The following ASH1L variants were observed in gnomAD, a reference collection of about 807,000 sequenced individuals.
ASH1L encodes ASH1 like histone lysine methyltransferase.
ASH1L carries 23 observed loss-of-function variants against 269.0 expected under a neutral mutation model. The observed-to-expected ratio is 0.09, with a 90% CI of 0.06 to 0.12. The LOEUF (loss-of-function observed/expected upper bound fraction) is 0.12. ASH1L is among the 10% of genes least tolerant of loss of function. The probability of loss-of-function intolerance (pLI) is 1.00; values close to 1 mark genes in which losing one functional copy is unlikely to be tolerated. For synonymous variants in ASH1L, 1,187 were observed against 1,253.5 expected, an observed-to-expected ratio of 0.95 and a Z score of 1.12; for missense variants, 2,912 against 3,567.8, an observed-to-expected ratio of 0.82 and a Z score of 4.68.
rs560559987 is a variant in ASH1L, at chr1:155,427,382, A to G, written c.5828+10945T>C. Among the ~76,000 whole-genome samples, 8 of 151,534 alleles carry G rather than the reference A, an allele frequency of 5.3e-5. No homozygotes were observed. The South Asian group carries it at 1.7e-3, about 32-fold the overall frequency. On this transcript the variant is annotated intron_variant, in intron 5 of 27. Transcript: ENST00000392403. ...GAGTGCAGTGGCCAGATCCCGGCTC[A>G]CTGCAACCTCCGCCTCCCGGGTCCA... is the stretch of plus-strand genomic sequence containing the variant.
chr1:155,488,884 C>T (rs1158087994), intron 2 of ASH1L, among the ~76,000 whole-genome samples: 2 of 151,844 alleles, frequency 1.3e-5, no homozygotes, highest in Non-Finnish European at 2.9e-5. Flanking sequence ...CTTTAGTCCA[C>T]ATATAAAATA....
At chr1:155,500,420 G>T (rs1055830068) in intron 2 of ASH1L, among the ~76,000 whole-genome samples, 1 of 152,194 alleles carries the variant, frequency 6.6e-6, no homozygotes, top group African/African-American at 2.4e-5. Context: ...TAAGACTACA[G>T]AATCCATCAT....
Position 155,562,415 on chromosome 1 carries a change from T to TGGCGGCGGG in ASH1L, c.-371_-363dup. On this transcript the variant is annotated 5_prime_UTR_variant, in exon 1 of 28. Coordinates refer to ENST00000392403, the MANE Select transcript of ASH1L (RefSeq NM_018489.3). ...TCCCCTCCGCAAAGCGAACCCAAAATGGCGGCGGGAGCGGCGGCGGCGGCG... is the reference window on the plus strand; with the variant it reads ...TCCCCTCCGCAAAGCGAACCCAAAATGGCGGCGGGGGCGGCGGGAGCGGCGGCGGCGGCG... 1 of 1,487,530 alleles carries TGGCGGCGGG rather than the reference T, an allele frequency of 6.7e-7. No individual in the cohort carries two copies. Among genetic ancestry groups the TGGCGGCGGG allele is most frequent in the East Asian group, 2.5e-5 (1 of 40,578 alleles). The allele number at this position is 1,487,530 out of a possible 1,614,324, so 92.1% of individuals were successfully genotyped here. A position where few individuals can be genotyped will look rare whatever the true frequency, so the allele number is the denominator to read the frequency against.
In ASH1L at chr1:155,452,728, T is replaced by C. The variant is rs545276060; in HGVS notation, c.5086+7069A>G. ...CGTGACCATGTCTGGCTAATTTATA[T>C]GTGTTTTTAGTAGAAATGGGGTTTT... On this transcript the variant is annotated intron_variant, in intron 4 of 27. Coordinates refer to ENST00000392403, the MANE Select transcript of ASH1L (RefSeq NM_018489.3). 8.5e-5 allele frequency among the ~76,000 whole-genome samples: 13 copies of C among 152,184 alleles called. No homozygotes were observed. The South Asian group carries it at 2.7e-3, about 32-fold the overall frequency.
chr1:155,446,030 C>T (rs1662989708), intron 4 of ASH1L, among the ~76,000 whole-genome samples: 1 of 146,758 alleles, frequency 6.8e-6, no homozygotes, highest in Non-Finnish European at 1.5e-5. Flanking sequence ...TGGGCCTACA[C>T]TGTACTTTTT....
intron 3 of ASH1L, 85 bp from the exon 4 acceptor site, chr1:155,459,983 A>G (rs1325939415): frequency 2.7e-5 from 28 of 1,047,662 alleles, no homozygotes; most frequent in Middle Eastern, 2.7e-4. Context: ...AACTTGTTAC[A>G]GTTTAGTTGC....
chr1:155,485,494 T>A (rs888081587), intron 2 of ASH1L, among the ~76,000 whole-genome samples: 1 of 152,106 alleles, frequency 6.6e-6, no homozygotes, highest in African/African-American at 2.4e-5. Flanking sequence ...CAAAAGAAAG[T>A]GGTAAATTGC....
rs747132753 is a variant in ASH1L at position 155,492,033 on chromosome 1, CT to C, written c.421-9585del. Among the ~76,000 whole-genome samples, 442 of 111,920 alleles carry C rather than the reference CT, an allele frequency of 3.9e-3. 1 individual carries two copies. The highest frequency in any genetic ancestry group is 0.011 in the African/African-American group (338 of 30,454). 73.4% of individuals were successfully genotyped at this position (111,920 alleles called of 152,430 possible). ...CTAAGGTGGAATATAGTTTTGTTTACTTTTTTTTTTTTTTTTTTTTGATGGA... is the reference window on the plus strand; with the variant it reads ...CTAAGGTGGAATATAGTTTTGTTTACTTTTTTTTTTTTTTTTTTTGATGGA... On this transcript the variant is annotated intron_variant, in intron 2 of 27. Transcript: ENST00000392403.
chr1:155,487,267 A>G (rs1170223897), intron 2 of ASH1L, among the ~76,000 whole-genome samples: 1 of 152,208 alleles, frequency 6.6e-6, no homozygotes, highest in Non-Finnish European at 1.5e-5. Context: ...AAGACCACAA[A>G]GAGGAAAAAT....
Position 155,481,304 on chromosome 1 carries a change from C to T in ASH1L, c.1566G>A (p.Gln522=). The change falls in exon 3 of 28, where the codon CAG becomes CAA. Residue 522 remains glutamine (Q), a synonymous_variant. Transcript: ENST00000392403. ...GSYETSKHEK[Q]PPVYCTSPDF... ...CCGGAGAAGTGCAATATACAGGAGG[C>T]TGCTTTTCATGCTTTGAGGTTTCAT... 1.2e-6 allele frequency: 2 copies of T among 1,614,158 alleles called. No homozygotes were observed. Among genetic ancestry groups the T allele is most frequent in the Non-Finnish European group, 1.7e-6 (2 of 1,180,006 alleles).
Position 155,439,008 on chromosome 1 carries a change from C to G in ASH1L, c.5147G>C (p.Ser1716Thr). 6.2e-7 allele frequency: 1 copy of G among 1,614,148 alleles called. No homozygotes were observed. The highest frequency in any genetic ancestry group is 1.1e-5 in the South Asian group (1 of 91,088). The change falls in exon 5 of 28, where the codon AGT becomes ACT. Residue 1716 changes from serine to threonine, a missense_variant. Physicochemically the swap from Ser to Thr is moderately conservative, Grantham distance 58. Around this residue, in one of 13 missense-constraint regions of ASH1L, gnomAD observed 789 missense variants for 897.6 expected, o/e 0.88. Transcript: ENST00000392403. Reference sequence around the variant, plus strand: ...ATTTTGTACCATCCGCTGCAGCAGACTATCCACAGAGTCATCCCCAGAAGC... The same window carrying G: ...ATTTTGTACCATCCGCTGCAGCAGAGTATCCACAGAGTCATCCCCAGAAGC... ...LVASGDDSVD[S>T]LLQRMVQNED... is the part of the protein sequence containing the mutation.
chr1:155,407,937 G>A (rs1321900796), intron 6 of ASH1L, among the ~76,000 whole-genome samples: 1 of 152,124 alleles, frequency 6.6e-6, no homozygotes, highest in Non-Finnish European at 1.5e-5. Flanking sequence ...GGGAAATTAG[G>A]GAGTGATTGC....
At chr1:155,355,827 A>G (rs942418191) in intron 15 of ASH1L, among the ~76,000 whole-genome samples, 25 of 151,986 alleles carry the variant, frequency 1.6e-4, no homozygotes, top group Non-Finnish European at 3.2e-4. Context: ...GAAAGAGACA[A>G]TTCTTATCTG....
At chr1:155,512,164 TATCCTTTATCACA>T (rs141503941) in intron 2 of ASH1L, among the ~76,000 whole-genome samples, 1,569 of 152,268 alleles carry the variant, frequency 0.01, 28 homozygotes, top group African/African-American at 0.035. Flanking sequence ...GAGAAAATAC[TATCCTTTATCACA>T]ATCCTTTATC....
chr1:155,415,661 A>G, intron 6 of ASH1L, 83 bp downstream of exon 6: 1 of 1,447,148 alleles, frequency 6.9e-7, no homozygotes, highest in Non-Finnish European at 9.5e-7. Flanking sequence ...ACACAAAAGA[A>G]TCTATATTGT....
intron 15 of ASH1L, 125 bp downstream of exon 15, chr1:155,357,191 C>A: frequency 1.7e-6 from 1 of 573,148 alleles, no homozygotes; most frequent in East Asian, 3.3e-5. Context: ...GTTCATAGAT[C>A]CCCTGAACCC....
intron 5 of ASH1L, among the ~76,000 whole-genome samples, chr1:155,421,317 G>GTTTTT (rs11442413): frequency 4.7e-5 from 4 of 85,886 alleles, no homozygotes; most frequent in Non-Finnish European, 6.4e-5. Flanking sequence ...AGTACCAACA[G>GTTTTT]TTTTTTTTTT....
chr1:155,455,776 T>C (rs1371263345), intron 4 of ASH1L, among the ~76,000 whole-genome samples: 1 of 152,182 alleles, frequency 6.6e-6, no homozygotes, highest in African/African-American at 2.4e-5. Context: ...CTATGACAAA[T>C]TTTATTTTAA....
At chr1:155,429,107 T>C (rs992266165) in intron 5 of ASH1L, among the ~76,000 whole-genome samples, 1 of 152,080 alleles carries the variant, frequency 6.6e-6, no homozygotes, top group African/African-American at 2.4e-5. Context: ...TAACCTCAAG[T>C]TGAAAATAAT....
Sources: allele counts gnomAD v4.1 joint callset (sites outside exome capture counted in the v4.1 genomes callset), GRCh38; gene constraint gnomAD v4.1.1; regional missense constraint gnomAD v4.1.1; transcripts MANE v1.5; gene names NCBI Gene and HGNC (gene_info 2026-07-23, HGNC 2026-07-21).